CCDC47: variants seen among roughly 807,000 people sequenced by gnomAD.
CCDC47 encodes the protein PAT complex subunit CCDC47.
A neutral mutation model predicts 60.5 loss-of-function variants in CCDC47; 41 were observed. That is an observed-to-expected ratio of 0.68 (90% CI 0.53 to 0.88). The LOEUF (loss-of-function observed/expected upper bound fraction) is 0.88. Among genes scored for constraint, CCDC47 ranks in the 40% least tolerant of loss-of-function variants. The pLI is 0.00. For synonymous variants in CCDC47, 195 were observed against 190.7 expected (o/e 1.02, Z -0.18); for missense variants, 513 against 580.9 (o/e 0.88, Z 1.20).
chr17:63,767,066 T>C (rs992173943), intron 1 of CCDC47: 2 of 274,440 alleles, frequency 7.3e-6, no homozygotes, highest in Middle Eastern at 1.7e-3. Context: ...AGCTGCAACA[T>C]TAACATCCCC....
chr17:63,759,568 TATATATATAA>T (rs1568249219), intron 6 of CCDC47, among the ~76,000 whole-genome samples: 6 of 79,116 alleles, frequency 7.6e-5, no homozygotes, highest in Admixed American at 1.7e-4. Context: ...TATATATATA[TATATATATAA>T]AACAATGATT....
chr17:63,753,856 C>T (rs1462248642), intron 9 of CCDC47, among the ~76,000 whole-genome samples: 2 of 152,154 alleles, frequency 1.3e-5, no homozygotes, highest in Non-Finnish European at 2.9e-5. Flanking sequence ...GCTTATAATT[C>T]CAGCACTTTG....
intron 1 of CCDC47, chr17:63,772,999 A>G (rs56295011): frequency 0.32 from 48,977 of 152,184 alleles, 8,611 homozygotes; most frequent in South Asian, 0.58. Flanking sequence ...GAGTGAGGCC[A>G]TCATTCCTTG....
In CCDC47 at chr17:63,751,935, C is replaced by T. The variant is rs764868981; in HGVS notation, c.1371+5G>A. ...AGTTTTACCCCAGTGATAAGTTTGT[C>T]TAACCTCCAGCCTGCGCTGTTTCTC... On this transcript the variant is annotated splice_donor_5th_base_variant and intron_variant, in intron 12 of 12. Coordinates refer to ENST00000225726, the MANE Select transcript of CCDC47 (RefSeq NM_020198.3). 1 of 1,613,762 alleles carries T rather than the reference C, an allele frequency of 6.2e-7. No homozygotes were observed. Among genetic ancestry groups the T allele is most frequent in the Non-Finnish European group, 8.5e-7 (1 of 1,179,996 alleles).
intron 4 of CCDC47, 104 bp from the exon 5 acceptor site, chr17:63,761,455 G>T (rs1302755926): frequency 7.9e-7 from 1 of 1,269,654 alleles, no homozygotes; most frequent in African/African-American, 1.5e-5. Context: ...GCTGAGGTGG[G>T]TGGATCACGA....
intron 2 of CCDC47, among the ~76,000 whole-genome samples, chr17:63,765,269 C>A (rs1315210641): frequency 1.3e-5 from 2 of 152,000 alleles, no homozygotes; most frequent in African/African-American, 4.8e-5. Flanking sequence ...GTCAGTTACA[C>A]CTCAATAAAG....
chr17:63,764,505 A>G (rs1346505950), intron 3 of CCDC47, among the ~76,000 whole-genome samples: 1 of 152,160 alleles, frequency 6.6e-6, no homozygotes, highest in African/African-American at 2.4e-5. Context: ...TTATTCCCTG[A>G]TAAGTAGTAA....
intron 8 of CCDC47, among the ~76,000 whole-genome samples, chr17:63,755,987 CA>C (rs1262440781): frequency 2.3e-4 from 33 of 146,166 alleles, no homozygotes; most frequent in African/African-American, 7.3e-4. Flanking sequence ...ATTCCTTTTT[CA>C]AAAAAAAACC....
At position 63,771,036 on chromosome 17, in the gene CCDC47, G is replaced by GAAA. The variant is rs1156974096; in HGVS notation, c.-20+2375_-20+2376insTTT. On this transcript the variant is annotated intron_variant, in intron 1 of 12. Coordinates refer to ENST00000225726, the MANE Select transcript of CCDC47 (RefSeq NM_020198.3). ...AGAAAGGAAGGAAGGAAGGAAGGAA[G>GAAA]GAAGGAAGGAAGAAAGAAAGAAAGA... Among the ~76,000 whole-genome samples the GAAA allele has an allele frequency of 3.7e-3, 503 of 136,640 alleles. 4 individuals are homozygous for GAAA. Among genetic ancestry groups the GAAA allele is most frequent in the African/African-American group, 0.013 (465 of 35,978 alleles). The allele number at this position is 136,640 out of a possible 152,430, so 89.6% of individuals were successfully genotyped here.
chr17:63,755,520 T>TTG, intron 8 of CCDC47: 1 of 151,884 alleles, frequency 6.6e-6, no homozygotes, highest in African/African-American at 2.4e-5. Context: ...ATTAAGATTC[T>TTG]TTTCGAGCAG....
At chr17:63,747,431 CATA>C (rs1404262945) in intron 12 of CCDC47, 9 of 983,942 alleles carry the variant, frequency 9.1e-6, no homozygotes, top group African/African-American at 1.7e-5. Flanking sequence ...CATACCTGCA[CATA>C]ATACTTAAAT....
At chr17:63,765,662 C>T (rs960501839) in intron 2 of CCDC47, 4 of 1,259,288 alleles carry the variant, frequency 3.2e-6, no homozygotes, top group African/African-American at 1.5e-5. Flanking sequence ...CTAAATAATA[C>T]AATTCTCACC....
chr17:63,771,013 A>AAAGGAAGG (rs775583739), intron 1 of CCDC47, among the ~76,000 whole-genome samples: 6 of 110,196 alleles, frequency 5.4e-5, no homozygotes, highest in South Asian at 7.2e-4. Context: ...AGAAAGAAAG[A>AAAGGAAGG]AAGGAAGGAA....
Position 63,766,010 on chromosome 17 carries a change from G to C in CCDC47, c.166C>G (p.Arg56Gly). The C allele has an allele frequency of 6.2e-7, 1 of 1,613,852 alleles. No homozygotes were observed. The highest frequency in any genetic ancestry group is 8.5e-7 in the Non-Finnish European group (1 of 1,179,884). The change falls in exon 2 of 13, where the codon CGG (arginine) becomes GGG (glycine). Residue 56 changes from arginine (R) to glycine (G), a missense_variant. Arg to Gly is a moderately radical substitution (Grantham distance 125). Coordinates refer to ENST00000225726, the MANE Select transcript of CCDC47 (RefSeq NM_020198.3). ...MEDSVTESPQ[R>G]VIITEDDEDE... Reference sequence around the variant, plus strand: ...TCATCATCTTCAGTGATTATGACCCGTTGAGGAGATTCAGTAACAGAGTCT... The same window carrying C: ...TCATCATCTTCAGTGATTATGACCCCTTGAGGAGATTCAGTAACAGAGTCT...
At chr17:63,771,045 G>A (rs7209672) in intron 1 of CCDC47, among the ~76,000 whole-genome samples, 5,280 of 97,588 alleles carry the variant, frequency 0.054, 389 homozygotes, top group African/African-American at 0.16. Context: ...AGGAAGGAAG[G>A]AAGAAAGAAA....
intron 8 of CCDC47, chr17:63,755,242 C>G: frequency 1.0e-6 from 1 of 963,880 alleles, no homozygotes. Context: ...GTTGAGATTA[C>G]AAGTGTGAAC....
chr17:63,761,001 A>G, intron 5 of CCDC47, 22 bp from the exon 6 acceptor site: 1 of 1,600,360 alleles, frequency 6.2e-7, no homozygotes, highest in Non-Finnish European at 8.6e-7. Flanking sequence ...GAGAGAAGTA[A>G]GTAAATCCAA....
intron 1 of CCDC47, among the ~76,000 whole-genome samples, chr17:63,770,435 C>T (rs765569751): frequency 4.6e-5 from 7 of 152,034 alleles, no homozygotes; most frequent in Non-Finnish European, 8.8e-5. Flanking sequence ...CTGGAAAGGC[C>T]CTCAGGGGCC....
In CCDC47 at chr17:63,752,793, A is replaced by C. The variant is rs1026826773; in HGVS notation, c.1041T>G (p.Gly347=). 28 of 1,611,258 alleles carry C rather than the reference A, an allele frequency of 1.7e-5. No individual in the cohort carries two copies. The highest frequency in any genetic ancestry group is 2.4e-5 in the Non-Finnish European group (28 of 1,178,852). The change falls in exon 10 of 13, where the codon GGT becomes GGG. Residue 347 remains glycine, a synonymous_variant. Transcript: ENST00000225726. ...TAGTGTCAGGTAGCTTTAAAGGCTG[A>C]CCTTCCCTGTCATAAAAGAAAAGGC... The part of the protein sequence containing the change: ...FSGPKIMQEE[G]QPLKLPDTKR...
Sources: gnomAD v4.1 joint callset for allele counts (sites outside exome capture counted in the v4.1 genomes callset) on GRCh38, gnomAD v4.1.1 for gene constraint, MANE v1.5 for transcripts, NCBI Gene and HGNC (gene_info 2026-07-23, HGNC 2026-07-21) for gene names.